SLC37A3: variants seen among roughly 807,000 people sequenced by gnomAD.
SLC37A3 encodes the protein solute carrier family 37 member 3, also known as sugar phosphate exchanger 3.
SLC37A3 carries 51 observed loss-of-function variants against 67.1 expected under a neutral mutation model. That is an observed-to-expected ratio of 0.76 (90% CI 0.61 to 0.96). The LOEUF is 0.96. Among genes scored for constraint, SLC37A3 ranks in the 40% least tolerant of loss-of-function variants. SLC37A3 has a pLI of 0.00. For synonymous variants in SLC37A3, 214 were observed against 231.4 expected, an observed-to-expected ratio of 0.92 and a Z score of 0.68; for missense variants, 508 against 603.0, an observed-to-expected ratio of 0.84 and a Z score of 1.65.
chr7:140,343,006 T>C (rs1796417337), intron 13 of SLC37A3, among the ~76,000 whole-genome samples: 1 of 151,986 alleles, frequency 6.6e-6, no homozygotes, highest in Non-Finnish European at 1.5e-5. Context: ...GTGTATGCAG[T>C]AGAGTGTCTG....
intron 12 of SLC37A3, chr7:140,344,058 C>T (rs1233055526): frequency 5.6e-6 from 1 of 179,156 alleles, no homozygotes; most frequent in Non-Finnish European, 1.2e-5. Context: ...TCTGGTCCCA[C>T]TGCTGGAATC....
rs773189820 is a variant in SLC37A3 at position 140,345,878 on chromosome 7, C to T, written c.1117G>A (p.Gly373Arg). Residue 373 changes from glycine to arginine, a missense_variant, in exon 11 of 15, where the codon GGG becomes AGG. Gly to Arg is a moderately radical substitution (Grantham distance 125). Coordinates refer to ENST00000326232, the MANE Select transcript of SLC37A3 (RefSeq NM_207113.3). Reference sequence around the variant, plus strand: ...GCAAAAGAATACTCACGACTATACCCGATGAGGGACCCAACTGCCAGAAGC... The same window carrying T: ...GCAAAAGAATACTCACGACTATACCTGATGAGGGACCCAACTGCCAGAAGC... ...SLLLAVGSLI[G>R]YSRSPNDKSI... 2 of 1,612,764 alleles carry T rather than the reference C, an allele frequency of 1.2e-6. No homozygotes were observed. Among genetic ancestry groups the T allele is most frequent in the East Asian group, 2.2e-5 (1 of 44,870 alleles).
chr7:140,379,095 CAAGG>C (rs1160590888), intron 3 of SLC37A3: 1 of 152,002 alleles, frequency 6.6e-6, no homozygotes, highest in East Asian at 1.9e-4. Flanking sequence ...TTTGGGAAGC[CAAGG>C]AAGGAAGATT....
chr7:140,370,083 C>T (rs1797760528), intron 3 of SLC37A3, among the ~76,000 whole-genome samples: 1 of 151,564 alleles, frequency 6.6e-6, no homozygotes, highest in African/African-American at 2.4e-5. Context: ...GCACTCCAGC[C>T]TGGGCAACAA....
At chr7:140,387,418 A>G (rs1798496409) in intron 1 of SLC37A3, among the ~76,000 whole-genome samples, 1 of 151,500 alleles carries the variant, frequency 6.6e-6, no homozygotes, top group Non-Finnish European at 1.5e-5. Context: ...GTTCGAGACC[A>G]GCCTGGCCAA....
At chr7:140,382,371 C>A in intron 2 of SLC37A3, 67 bp downstream of exon 2, 1 of 1,318,938 alleles carries the variant, frequency 7.6e-7, no homozygotes, top group Non-Finnish European at 1.1e-6. Flanking sequence ...TTGACACTTG[C>A]CATGCAATAT....
rs965974555 is a variant in SLC37A3 at position 140,334,600 on chromosome 7, T to C, written c.*812A>G. ...TGGGATGGAGTGCTTCGGCTGTGAG[T>C]TACACGTCGGAATGTTCAAGATAAA... On this transcript the variant is annotated 3_prime_UTR_variant, in exon 15 of 15. Coordinates refer to ENST00000326232, the MANE Select transcript of SLC37A3 (RefSeq NM_207113.3). The C allele has an allele frequency of 1.3e-5, 2 of 152,598 alleles. No homozygotes were observed. The highest frequency in any genetic ancestry group is 2.9e-5 in the Non-Finnish European group (2 of 68,076). 9.5% of individuals were successfully genotyped at this position (152,598 alleles called of 1,614,324 possible). A position where few individuals can be genotyped will look rare whatever the true frequency, so the allele number is the denominator to read the frequency against.
At chr7:140,364,799 G>C (rs987859147) in intron 4 of SLC37A3, among the ~76,000 whole-genome samples, 1 of 151,442 alleles carries the variant, frequency 6.6e-6, no homozygotes, top group Non-Finnish European at 1.5e-5. Flanking sequence ...GGCAAACTTT[G>C]GTTTTACTTG....
chr7:140,342,491 T>C (rs1796396338), intron 13 of SLC37A3, among the ~76,000 whole-genome samples: 1 of 152,204 alleles, frequency 6.6e-6, no homozygotes, highest in Non-Finnish European at 1.5e-5. Flanking sequence ...GCCAACATTC[T>C]CTTTCCCTAT....
chr7:140,381,884 C>T (rs371870107), intron 2 of SLC37A3, among the ~76,000 whole-genome samples: 2 of 151,640 alleles, frequency 1.3e-5, no homozygotes, highest in African/African-American at 2.4e-5. Context: ...CATGGTGACA[C>T]GCACCTGTAA....
At chr7:140,376,638 A>T (rs1013934102) in intron 3 of SLC37A3, among the ~76,000 whole-genome samples, 1 of 152,246 alleles carries the variant, frequency 6.6e-6, no homozygotes, top group Non-Finnish European at 1.5e-5. Context: ...GCTCACAGAC[A>T]TGGAAGGGCT....
At chr7:140,349,942 A>G (rs1190418871) in intron 9 of SLC37A3, among the ~76,000 whole-genome samples, 1 of 152,218 alleles carries the variant, frequency 6.6e-6, no homozygotes, top group Admixed American at 6.5e-5. Context: ...CATTTCTCTT[A>G]TATCATATAT....
chr7:140,364,963 G>A (rs891252188), intron 4 of SLC37A3, among the ~76,000 whole-genome samples: 5 of 152,286 alleles, frequency 3.3e-5, no homozygotes, highest in South Asian at 2.1e-4. Flanking sequence ...CTGGGTTAAC[G>A]TGTTACCACA....
intron 7 of SLC37A3, among the ~76,000 whole-genome samples, chr7:140,352,461 C>A (rs1040551095): frequency 5.9e-5 from 9 of 152,146 alleles, no homozygotes; most frequent in African/African-American, 1.9e-4. Flanking sequence ...ATCACATAGC[C>A]TCTCATAAAA....
intron 6 of SLC37A3, among the ~76,000 whole-genome samples, chr7:140,357,427 T>C (rs1166442879): frequency 6.6e-6 from 1 of 151,998 alleles, no homozygotes; most frequent in Non-Finnish European, 1.5e-5. Flanking sequence ...TTTATAATTA[T>C]GCTGAATGAA....
chr7:140,363,099 G>A (rs1371570942), intron 5 of SLC37A3, among the ~76,000 whole-genome samples: 1 of 88,332 alleles, frequency 1.1e-5, no homozygotes, highest in Admixed American at 9.9e-5. Context: ...CCGGCCAGCC[G>A]CCCCATCCGG....
At position 140,365,919 on chromosome 7, in the gene SLC37A3, C is replaced by CTTTTTTTT. The variant is rs71170981; in HGVS notation, c.292-1436_292-1429dup. Among the ~76,000 whole-genome samples the CTTTTTTTT allele has an allele frequency of 4.8e-4, 21 of 43,906 alleles. 8 individuals are homozygous for CTTTTTTTT. Among genetic ancestry groups the CTTTTTTTT allele is most frequent in the East Asian group, 4.6e-3 (5 of 1,088 alleles). The allele number at this position is 43,906 out of a possible 152,430, so 28.8% of individuals were successfully genotyped here. A position where few individuals can be genotyped will look rare whatever the true frequency, so the allele number is the denominator to read the frequency against. ...GCTTCAGATGACAGAACAATACATG[C>CTTTTTTTT]TTTTTTTTTTTTTTTTTTTTTTTTT... On this transcript the variant is annotated intron_variant, in intron 4 of 14. Transcript: ENST00000326232.
chr7:140,376,699 GTTCT>G (rs1175983560), intron 3 of SLC37A3, among the ~76,000 whole-genome samples: 3 of 152,170 alleles, frequency 2.0e-5, no homozygotes, highest in African/African-American at 7.2e-5. Flanking sequence ...TATGCATGAA[GTTCT>G]TTGCATAAGG....
At chr7:140,396,279 C>T (rs1317547581) in intron 1 of SLC37A3, among the ~76,000 whole-genome samples, 1 of 152,182 alleles carries the variant, frequency 6.6e-6, no homozygotes, top group Non-Finnish European at 1.5e-5. Context: ...CTGCCTCAGC[C>T]TCCCAAAGCC....
Sources: gnomAD v4.1 joint callset for allele counts (sites outside exome capture counted in the v4.1 genomes callset) on GRCh38, gnomAD v4.1.1 for gene constraint, MANE v1.5 for transcripts, NCBI Gene and HGNC (gene_info 2026-07-23, HGNC 2026-07-21) for gene names.